MTMR14: variants seen among roughly 807,000 people sequenced by gnomAD.
MTMR14 encodes phosphatidylinositol-3,5-bisphosphate 3-phosphatase MTMR14.
Under a neutral mutation model 86.3 loss-of-function variants are expected in MTMR14, and 48 were observed. The observed-to-expected ratio is 0.56, with a 90% confidence interval of 0.44 to 0.71. The LOEUF (loss-of-function observed/expected upper bound fraction) is 0.71. Among genes scored for constraint, MTMR14 ranks in the 30% least tolerant of loss-of-function variants. The pLI is 0.00. For synonymous variants in MTMR14, 366 were observed against 326.1 expected (o/e 1.12, Z -1.32); for missense variants, 780 against 834.6 (o/e 0.93, Z 0.81).
intron 9 of MTMR14, among the ~76,000 whole-genome samples, chr3:9,680,131 C>T (rs1336574409): frequency 6.6e-6 from 1 of 152,230 alleles, no homozygotes; most frequent in Non-Finnish European, 1.5e-5. Flanking sequence ...GGCGGCCCCT[C>T]AGACTCAAGC....
chr3:9,688,643 A>G (rs2076039019), intron 14 of MTMR14, 53 bp from the exon 15 acceptor site: 1 of 1,599,724 alleles, frequency 6.3e-7, no homozygotes. Context: ...AACGGGGGAC[A>G]CAATAAGACC....
chr3:9,672,279 C>G (rs1365641699), intron 6 of MTMR14, among the ~76,000 whole-genome samples: 1 of 152,154 alleles, frequency 6.6e-6, no homozygotes, highest in Non-Finnish European at 1.5e-5. Context: ...CACCCTGTCA[C>G]CCTGGCTGGA....
At chr3:9,694,519 T>TTG (rs1424592116) in intron 17 of MTMR14, among the ~76,000 whole-genome samples, 1 of 152,028 alleles carries the variant, frequency 6.6e-6, no homozygotes, top group African/African-American at 2.4e-5. Context: ...GATGGATGGA[T>TTG]GGATGGATGG....
intron 13 of MTMR14, among the ~76,000 whole-genome samples, chr3:9,687,331 GGGTCATGA>G (rs1193211803): frequency 6.6e-6 from 1 of 152,118 alleles, no homozygotes; most frequent in Admixed American, 6.5e-5. Flanking sequence ...TGAGGCGGGC[GGGTCATGA>G]GGTCAGGATA....
intron 17 of MTMR14, among the ~76,000 whole-genome samples, chr3:9,691,195 C>T (rs933964919): frequency 2.0e-5 from 3 of 152,210 alleles, no homozygotes; most frequent in South Asian, 2.1e-4. Context: ...CTCACCCCTG[C>T]GTGAACTCTT....
At chr3:9,695,237 A>C (rs1290134374) in intron 17 of MTMR14, among the ~76,000 whole-genome samples, 1 of 152,216 alleles carries the variant, frequency 6.6e-6, no homozygotes, top group African/African-American at 2.4e-5. Context: ...CCCTGCAGCC[A>C]GCTAATCCAT....
At position 9,687,809 on chromosome 3, in the gene MTMR14, G is replaced by C; in HGVS notation, c.1165-12G>C. ...TTCTTCTCATTGTGCGCTGCTCTTT[G>C]GTCTCCTTTAGATTTTCTTCTTCTG... On this transcript the variant is annotated splice_polypyrimidine_tract_variant and intron_variant, in intron 13 of 18. Transcript: ENST00000296003. 6.4e-7 allele frequency: 1 copy of C among 1,565,930 alleles called. No individual in the cohort carries two copies. The highest frequency in any genetic ancestry group is 8.7e-7 in the Non-Finnish European group (1 of 1,153,156).
In MTMR14 at chr3:9,678,142, CGT is replaced by C. The variant is rs1245605948; in HGVS notation, c.897+89_897+90del. On this transcript the variant is annotated intron_variant, in intron 9 of 18. Coordinates refer to ENST00000296003, the MANE Select transcript of MTMR14 (RefSeq NM_001077525.3). ...CTTGATGCCTGCCCCACAAGGCCCT[CGT>C]GTGTTTGCCTGATGGGCTGGCTTGT... 5.2e-5 allele frequency: 73 copies of C among 1,396,850 alleles called. No homozygotes were observed. The Middle Eastern group carries it at 6.3e-3, about 121-fold the overall frequency. The allele number at this position is 1,396,850 out of a possible 1,614,324, so 86.5% of individuals were successfully genotyped here.
At chr3:9,690,242 TG>T (rs2125326761) in intron 17 of MTMR14, 99 bp downstream of exon 17, 1 of 1,344,514 alleles carries the variant, frequency 7.4e-7, no homozygotes, top group Admixed American at 1.9e-5. Flanking sequence ...GGTCTCAAGA[TG>T]GGGTTCCTAA....
At chr3:9,656,831 A>C (rs1367802847) in intron 2 of MTMR14, among the ~76,000 whole-genome samples, 1 of 151,518 alleles carries the variant, frequency 6.6e-6, no homozygotes, top group Non-Finnish European at 1.5e-5. Context: ...CCTTCTTCCT[A>C]CCCTCTTTGG....
intron 6 of MTMR14, among the ~76,000 whole-genome samples, chr3:9,672,106 G>A (rs1216747205): frequency 6.6e-6 from 1 of 152,232 alleles, no homozygotes; most frequent in African/African-American, 2.4e-5. Flanking sequence ...TCCTGGGTCA[G>A]AGTGGCTACA....
intron 9 of MTMR14, among the ~76,000 whole-genome samples, chr3:9,679,409 A>C (rs2075686936): frequency 6.6e-6 from 1 of 151,944 alleles, no homozygotes; most frequent in Non-Finnish European, 1.5e-5. Context: ...GGTCAAGTAG[A>C]CTCTGCCCCA....
At chr3:9,667,702 T>C (rs9879089) in intron 3 of MTMR14, among the ~76,000 whole-genome samples, 1 of 152,118 alleles carries the variant, frequency 6.6e-6, no homozygotes, top group Non-Finnish European at 1.5e-5. Flanking sequence ...CCCCACCCCT[T>C]GTCTGCTGCT....
chr3:9,667,630 A>G (rs999591672), intron 3 of MTMR14, among the ~76,000 whole-genome samples: 7 of 152,058 alleles, frequency 4.6e-5, no homozygotes, highest in African/African-American at 1.7e-4. Flanking sequence ...CCCAGCACCA[A>G]TAATGCCCCT....
chr3:9,687,829 C>CTAAGGAGAAG lies in MTMR14; in HGVS notation c.1174_1175insAAGGAGAAGT (p.Phe392Ter). 1 of 1,575,924 alleles carries CTAAGGAGAAG rather than the reference C, an allele frequency of 6.3e-7. No individual in the cohort carries two copies. Among genetic ancestry groups the CTAAGGAGAAG allele is most frequent in the Admixed American group, 1.8e-5 (1 of 54,564 alleles). ...TCTTTGGTCTCCTTTAGATTTTCTT[C>CTAAGGAGAAG]TTCTGCTTCAATTTTTTGAAGCATA... On this transcript the variant is annotated stop_gained and frameshift_variant, in exon 14 of 19. Transcript: ENST00000296003. LOFTEE classifies it high-confidence loss of function.
rs78757420 is a variant in MTMR14 at position 9,683,704 on chromosome 3, G to T, written c.964+460G>T. 17 of 160,424 alleles carry T rather than the reference G, an allele frequency of 1.1e-4. No homozygotes were observed. In the East Asian group the frequency reaches 2.9e-3, roughly 27 times the overall value. The allele number at this position is 160,424 out of a possible 1,614,324, so 9.9% of individuals were successfully genotyped here. ...TTGCTCAATGTCTCTAGGGCAGACG[G>T]ACTCTAAATCCCTGGTAGCAATCAG... On this transcript the variant is annotated intron_variant, in intron 10 of 18. Coordinates refer to ENST00000296003, the MANE Select transcript of MTMR14 (RefSeq NM_001077525.3).
chr3:9,666,451 T>G (rs574115376), intron 3 of MTMR14, among the ~76,000 whole-genome samples: 2 of 152,336 alleles, frequency 1.3e-5, no homozygotes, highest in Admixed American at 6.5e-5. Context: ...AAGTTTCACA[T>G]CCTACTTAAG....
rs561601314 is a variant in MTMR14, at chr3:9,677,826, T to C, written c.823-158T>C. On this transcript the variant is annotated intron_variant, in intron 8 of 18. Coordinates refer to ENST00000296003, the MANE Select transcript of MTMR14 (RefSeq NM_001077525.3). This position sits in a 1 kb window ranked among gnomAD's most constrained non-coding sequence, Gnocchi z 4.2. ...CTCAGCTATACTGATCTGGTCACAT[T>C]GATTTTTAAGCTGTCACTCCCAGGT... Among the ~76,000 whole-genome samples the C allele has an allele frequency of 6.6e-6, 1 of 152,280 alleles. No homozygotes were observed. The highest frequency in any genetic ancestry group is 2.1e-4 in the South Asian group (1 of 4,824).
chr3:9,698,658 G>A (rs900812262), intron 18 of MTMR14, among the ~76,000 whole-genome samples: 1 of 152,206 alleles, frequency 6.6e-6, no homozygotes. Context: ...GGGAGGCAGG[G>A]TGCCTTGGGG....
Sources: allele counts gnomAD v4.1 joint callset (sites outside exome capture counted in the v4.1 genomes callset), GRCh38; gene constraint gnomAD v4.1.1; non-coding constraint Gnocchi (gnomAD v3.1); transcripts MANE v1.5; gene names NCBI Gene and HGNC (gene_info 2026-07-23, HGNC 2026-07-21).